SUMF1: variants seen among roughly 807,000 people sequenced by gnomAD.
The protein encoded by SUMF1 is formylglycine-generating enzyme.
In SUMF1, 48 loss-of-function variants were observed where a neutral mutation model predicts 47.6. The observed-to-expected ratio is 1.01, with a 90% CI of 0.80 to 1.28. SUMF1 has a LOEUF of 1.28. SUMF1 is among the 50% of genes most tolerant of loss of function. The pLI, the probability that SUMF1 is intolerant of heterozygous loss-of-function variation, is 0.00. For synonymous variants in SUMF1, 230 were observed against 192.1 expected, an observed-to-expected ratio of 1.20 and a Z score of -1.63; for missense variants, 571 against 485.4, an observed-to-expected ratio of 1.18 and a Z score of -1.66.
chr3:4,180,194 G>A (rs1322901948), intron 8 of SUMF1, among the ~76,000 whole-genome samples: 1 of 152,116 alleles, frequency 6.6e-6, no homozygotes, highest in African/African-American at 2.4e-5. Context: ...CCATTACTGG[G>A]TACATACCCA....
At chr3:4,411,778 A>G (rs1350358698) in intron 6 of SUMF1, among the ~76,000 whole-genome samples, 1 of 151,964 alleles carries the variant, frequency 6.6e-6, no homozygotes, top group Non-Finnish European at 1.5e-5. Context: ...ATGGCTTAAC[A>G]TTTTTCCCAA....
At chr3:4,211,045 C>A (rs914074616) in intron 8 of SUMF1, among the ~76,000 whole-genome samples, 2 of 146,830 alleles carry the variant, frequency 1.4e-5, no homozygotes, top group African/African-American at 5.1e-5. Context: ...CCTCAGCCTG[C>A]AGATGGCCTG....
intron 8 of SUMF1, among the ~76,000 whole-genome samples, chr3:4,367,778 G>C (rs1163958302): frequency 1.3e-5 from 2 of 151,748 alleles, no homozygotes; most frequent in African/African-American, 4.8e-5. Flanking sequence ...AACCTGGCTA[G>C]CCATATGTAG....
intron 8 of SUMF1, chr3:4,303,202 A>T: frequency 5.1e-6 from 3 of 585,212 alleles, no homozygotes; most frequent in Non-Finnish European, 8.5e-6. Flanking sequence ...TGAAATCAAA[A>T]CGGGAGCCAG....
At chr3:4,087,584 T>C (rs1219367635) in intron 8 of SUMF1, among the ~76,000 whole-genome samples, 2 of 152,210 alleles carry the variant, frequency 1.3e-5, no homozygotes, top group South Asian at 2.1e-4. Flanking sequence ...AAGAATCACA[T>C]TGTTTTAAAG....
intron 8 of SUMF1, among the ~76,000 whole-genome samples, chr3:4,196,830 C>T (rs1695439691): frequency 6.6e-6 from 1 of 152,116 alleles, no homozygotes; most frequent in South Asian, 2.1e-4. Flanking sequence ...GGAACCAGTG[C>T]CACTTTTTGC....
intron 8 of SUMF1, among the ~76,000 whole-genome samples, chr3:4,345,423 C>T (rs1434996249): frequency 6.6e-6 from 1 of 152,160 alleles, no homozygotes; most frequent in Non-Finnish European, 1.5e-5. Flanking sequence ...AATCTCATAT[C>T]CAGCCAAACT....
rs191156210 is a variant in SUMF1, at chr3:4,411,990, C to T, written c.841-1012G>A. ...GGCTTCAGATGGTTTCACATCTACC[C>T]ATGAATATGGAAGCATCTGATGCTT... is the stretch of plus-strand genomic sequence containing the variant. On this transcript the variant is annotated intron_variant, in intron 6 of 8. Transcript: ENST00000272902. Among the ~76,000 whole-genome samples the T allele has an allele frequency of 2.3e-3, 343 of 152,234 alleles. 3 individuals carry two copies. The highest frequency in any genetic ancestry group is 7.8e-3 in the African/African-American group (326 of 41,550).
chr3:4,184,572 G>C (rs1285440667), intron 8 of SUMF1, among the ~76,000 whole-genome samples: 2 of 151,702 alleles, frequency 1.3e-5, no homozygotes, highest in Non-Finnish European at 2.9e-5. Context: ...AATGTTTTAT[G>C]ACCTCAGATT....
chr3:4,325,516 C>T (rs1698923950), intron 8 of SUMF1, among the ~76,000 whole-genome samples: 1 of 151,586 alleles, frequency 6.6e-6, no homozygotes, highest in Non-Finnish European at 1.5e-5. Context: ...ACGAAGGTGG[C>T]ATATATGTAT....
chr3:4,452,979 G>A lies in SUMF1; in HGVS notation c.341C>T (p.Ala114Val), dbSNP rs1257530311. The A allele has an allele frequency of 1.2e-5, 19 of 1,614,094 alleles. No homozygotes were observed. Among genetic ancestry groups the A allele is most frequent in the Non-Finnish European group, 1.6e-5 (19 of 1,180,022 alleles). ...DDPQIKQDGE[A>V]PARRVTIDAF... is the part of the protein sequence containing the mutation. ...ATCAATAGTAACTCTCCTCGCAGGT[G>A]CTTCCCCATCCTGCTTTATCTGAGG... The change falls in exon 2 of 9, where the codon GCA becomes GTA. Residue 114 changes from alanine (A) to valine (V), a missense_variant. Ala to Val is a moderately conservative substitution (Grantham distance 64). Transcript: ENST00000272902.
intron 8 of SUMF1, among the ~76,000 whole-genome samples, chr3:4,278,065 T>A (rs310703): frequency 0.64 from 97,592 of 151,982 alleles, 32,796 homozygotes; most frequent in African/African-American, 0.84. Flanking sequence ...CCAAGTATTT[T>A]AACATGTTAA....
chr3:4,296,672 A>C (rs915146020), intron 8 of SUMF1, among the ~76,000 whole-genome samples: 4 of 152,184 alleles, frequency 2.6e-5, no homozygotes, highest in Admixed American at 2.0e-4. Context: ...CTCCCACGAC[A>C]CGTGCGGATT....
chr3:4,086,824 A>G (rs974302903), intron 8 of SUMF1, among the ~76,000 whole-genome samples: 1 of 152,084 alleles, frequency 6.6e-6, no homozygotes, highest in African/African-American at 2.4e-5. Flanking sequence ...ACGGTTTTAT[A>G]AGGGGAAACC....
At chr3:4,247,740 G>A (rs1696701549) in intron 8 of SUMF1, among the ~76,000 whole-genome samples, 2 of 152,148 alleles carry the variant, frequency 1.3e-5, no homozygotes, top group African/African-American at 4.8e-5. Context: ...CAGTCCACTA[G>A]GCATAGAAGA....
chr3:4,066,856 C>T (rs543376424), intron 9 of SUMF1, among the ~76,000 whole-genome samples: 4 of 152,266 alleles, frequency 2.6e-5, no homozygotes, highest in South Asian at 2.1e-4. Flanking sequence ...GCTTCGCATA[C>T]GAGCATAAGA....
chr3:4,342,179 T>A (rs1473264710), intron 8 of SUMF1, among the ~76,000 whole-genome samples: 3 of 152,238 alleles, frequency 2.0e-5, no homozygotes, highest in Non-Finnish European at 4.4e-5. Context: ...ACTTACTACA[T>A]ACCAGCTATT....
chr3:4,038,452 C>T (rs1344300774), intron 9 of SUMF1, among the ~76,000 whole-genome samples: 1 of 152,134 alleles, frequency 6.6e-6, no homozygotes, highest in Non-Finnish European at 1.5e-5. Context: ...AGGGATAGTA[C>T]CACTACAGAG....
chr3:4,447,206 G>A (rs868172793), intron 3 of SUMF1, among the ~76,000 whole-genome samples: 16 of 152,028 alleles, frequency 1.1e-4, no homozygotes, highest in African/African-American at 3.6e-4. Flanking sequence ...TAAAAAAAAA[G>A]GAGAATTTAT....
Sources: allele counts gnomAD v4.1 joint callset (sites outside exome capture counted in the v4.1 genomes callset), GRCh38; gene constraint gnomAD v4.1.1; transcripts MANE v1.5; gene names NCBI Gene and HGNC (gene_info 2026-07-23, HGNC 2026-07-21).